Variants in RANBP2 observed in about 807,000 individuals in gnomAD.
The protein encoded by RANBP2 is E3 SUMO-protein ligase RanBP2.
Under a neutral mutation model 303.6 loss-of-function variants are expected in RANBP2, and 57 were observed. That is an observed-to-expected ratio of 0.19 (90% CI 0.15 to 0.23). The LOEUF (loss-of-function observed/expected upper bound fraction) is 0.23, where lower values mean the gene tolerates loss of function less well. Ranked by LOEUF, RANBP2 falls within the 10% of genes least tolerant of loss-of-function variation. The pLI is 1.00. For synonymous variants in RANBP2, 1,167 were observed against 1,301.5 expected (o/e 0.90, Z 2.23); for missense variants, 3,138 against 3,780.8 (o/e 0.83, Z 4.46).
the RANBP2 span, among the ~76,000 whole-genome samples, chr2:109,009,073 C>T: frequency 6.6e-6 from 1 of 151,888 alleles, no homozygotes; most frequent in East Asian, 1.9e-4. Context: ...GGCATGGTGG[C>T]TCGAGCCTAT....
At chr2:109,171,733 G>A in the RANBP2 span, among the ~76,000 whole-genome samples, 3 of 152,246 alleles carry the variant, frequency 2.0e-5, no homozygotes, top group Non-Finnish European at 2.9e-5. Flanking sequence ...TGCGCCTGGC[G>A]CTGCCCTCCT....
the RANBP2 span, among the ~76,000 whole-genome samples, chr2:108,870,617 G>A: frequency 6.6e-6 from 1 of 152,130 alleles, no homozygotes; most frequent in Non-Finnish European, 1.5e-5. Flanking sequence ...AAGTAAATGT[G>A]GTATGTACAT....
intron 9 of RANBP2, among the ~76,000 whole-genome samples, chr2:108,750,811 A>T (rs1284937932): frequency 1.3e-5 from 2 of 152,122 alleles, no homozygotes; most frequent in Non-Finnish European, 2.9e-5. Flanking sequence ...CTGGTCTCGA[A>T]CTCCTGACTG....
chr2:108,910,661 CACAGTA>C, the RANBP2 span: 1 of 1,431,754 alleles, frequency 7.0e-7, no homozygotes, highest in Non-Finnish European at 9.8e-7. Flanking sequence ...CCACGGTAAG[CACAGTA>C]TGGTTCAGCA....
the RANBP2 span, among the ~76,000 whole-genome samples, chr2:109,651,732 A>G: frequency 6.6e-6 from 1 of 152,250 alleles, no homozygotes; most frequent in South Asian, 2.1e-4. Context: ...GAGGCCTGGG[A>G]AGAAGTCAGA....
the RANBP2 span, among the ~76,000 whole-genome samples, chr2:108,889,060 G>A: frequency 2.0e-5 from 3 of 151,526 alleles, no homozygotes; most frequent in East Asian, 5.8e-4. Context: ...TTTATCCAGT[G>A]GTTATTCAGA....
the RANBP2 span, among the ~76,000 whole-genome samples, chr2:109,650,255 G>A: frequency 6.6e-6 from 1 of 152,190 alleles, no homozygotes; most frequent in East Asian, 1.9e-4. Flanking sequence ...TTTAATCTGG[G>A]GAATTATCAG....
At chr2:108,842,197 A>T in the RANBP2 span, among the ~76,000 whole-genome samples, 2 of 96,798 alleles carry the variant, frequency 2.1e-5, no homozygotes, top group African/African-American at 6.5e-5. Context: ...CTGGCTAATT[A>T]AAAAGTTTTT....
the RANBP2 span, among the ~76,000 whole-genome samples, chr2:109,131,406 C>T: frequency 6.6e-6 from 1 of 152,150 alleles, no homozygotes; most frequent in South Asian, 2.1e-4. Flanking sequence ...ACTTTTCCTT[C>T]CTGGCCTTGC....
At chr2:109,381,790 G>A in the RANBP2 span, among the ~76,000 whole-genome samples, 1 of 152,118 alleles carries the variant, frequency 6.6e-6, no homozygotes, top group Non-Finnish European at 1.5e-5. Context: ...AGGGCAGTTG[G>A]ATTTTATGGC....
At chr2:109,321,779 G>C in the RANBP2 span, among the ~76,000 whole-genome samples, 2 of 152,202 alleles carry the variant, frequency 1.3e-5, no homozygotes, top group African/African-American at 4.8e-5. Context: ...TATTCTGCTA[G>C]AGAGATGTGT....
At chr2:109,441,996 TA>T in the RANBP2 span, among the ~76,000 whole-genome samples, 1 of 144,774 alleles carries the variant, frequency 6.9e-6, no homozygotes, top group African/African-American at 2.9e-5. Context: ...ATAGTAAAAC[TA>T]AAAGATTTTG....
At chr2:109,203,567 G>A in the RANBP2 span, among the ~76,000 whole-genome samples, 1 of 152,136 alleles carries the variant, frequency 6.6e-6, no homozygotes, top group Non-Finnish European at 1.5e-5. Context: ...ACTGCTCCAT[G>A]TGGTTCGTCC....
At chr2:108,972,119 G>T in the RANBP2 span, among the ~76,000 whole-genome samples, 1 of 152,244 alleles carries the variant, frequency 6.6e-6, no homozygotes, top group Admixed American at 6.5e-5. Flanking sequence ...CAGCGGAGCC[G>T]CTCCCTGATT....
the RANBP2 span, among the ~76,000 whole-genome samples, chr2:109,692,757 T>G: frequency 2.6e-5 from 4 of 152,158 alleles, no homozygotes; most frequent in Non-Finnish European, 5.9e-5. Context: ...AGGGCCCACA[T>G]GCGCCTCGTT....
the RANBP2 span, among the ~76,000 whole-genome samples, chr2:109,257,819 G>A: frequency 1.3e-5 from 2 of 152,180 alleles, no homozygotes; most frequent in Non-Finnish European, 2.9e-5. Flanking sequence ...GCCTGTTTAA[G>A]TGGAGGCTTT....
At chr2:109,532,739 C>T in the RANBP2 span, among the ~76,000 whole-genome samples, 2 of 151,592 alleles carry the variant, frequency 1.3e-5, no homozygotes, top group Admixed American at 6.6e-5. Context: ...GAAGAGCCCA[C>T]GATGCTCTAA....
At chr2:109,480,797 T>G in the RANBP2 span, among the ~76,000 whole-genome samples, 1 of 152,196 alleles carries the variant, frequency 6.6e-6, no homozygotes, top group East Asian at 1.9e-4. Flanking sequence ...TGGGACATTA[T>G]GACCTCCGGC....
the RANBP2 span, among the ~76,000 whole-genome samples, chr2:108,926,482 C>A: frequency 6.6e-6 from 1 of 152,218 alleles, no homozygotes; most frequent in South Asian, 2.1e-4. Flanking sequence ...GCCGCAGATT[C>A]CCAGATGTTC....
Sources: allele counts gnomAD v4.1 joint callset (sites outside exome capture counted in the v4.1 genomes callset), GRCh38; gene constraint gnomAD v4.1.1; transcripts MANE v1.5; gene names NCBI Gene and HGNC (gene_info 2026-07-23, HGNC 2026-07-21).